Variants in CHD9 observed in about 807,000 individuals in gnomAD.
The protein encoded by CHD9 is chromodomain helicase DNA binding protein 9.
CHD9 carries 77 observed loss-of-function variants against 316.1 expected under a neutral mutation model. The ratio of observed to expected loss-of-function variants is 0.24; its 90% CI spans 0.20 to 0.29. The LOEUF (loss-of-function observed/expected upper bound fraction) is 0.29. Among genes scored for constraint, CHD9 ranks in the 10% least tolerant of loss-of-function variants. CHD9 has a pLI of 1.00. For missense variants in CHD9, 2,763 were observed against 3,438.1 expected, an observed-to-expected ratio of 0.80 and a Z score of 4.91; for synonymous variants, 1,129 against 1,158.3, an observed-to-expected ratio of 0.97 and a Z score of 0.51.
At chr16:53,284,379 T>C (rs1315703558) in intron 24 of CHD9, among the ~76,000 whole-genome samples, 2 of 151,632 alleles carry the variant, frequency 1.3e-5, no homozygotes, top group South Asian at 4.2e-4. Flanking sequence ...TACATATTTG[T>C]GTATGTATAT....
At chr16:53,270,094 T>C (rs1161921722) in intron 22 of CHD9, among the ~76,000 whole-genome samples, 1 of 151,372 alleles carries the variant, frequency 6.6e-6, no homozygotes. Flanking sequence ...AGCCTCAAAC[T>C]CCTGGGCTCA....
Position 53,238,583 on chromosome 16 carries a change from A to G in CHD9, c.2874A>G (p.Ser958=), listed in dbSNP as rs372362748. The change falls in exon 12 of 39, where the codon TCA becomes TCG. Residue 958 remains serine, a synonymous_variant. Coordinates refer to ENST00000447540, the MANE Select transcript of CHD9 (RefSeq NM_001308319.2). ...AATACGAGATGTACTTCAGGGATTC[A>G]CAGGTGTGTTATTGATTATTTTGTT... ...IQQYEMYFRD[S]QGRIIRGAYR... 1,124 of 1,612,918 alleles carry G rather than the reference A, an allele frequency of 7.0e-4. 17 individuals are homozygous for G. The South Asian group carries it at 0.011, about 16-fold the overall frequency.
chr16:53,181,385 T>G (rs914640660), intron 2 of CHD9, among the ~76,000 whole-genome samples: 1 of 152,164 alleles, frequency 6.6e-6, no homozygotes, highest in East Asian at 1.9e-4. Context: ...AAACTTGTCA[T>G]GTAAAGTTTT....
intron 1 of CHD9, among the ~76,000 whole-genome samples, chr16:53,123,662 T>C (rs1217117331): frequency 6.6e-6 from 1 of 151,982 alleles, no homozygotes; most frequent in Non-Finnish European, 1.5e-5. Flanking sequence ...CCACAACGCC[T>C]GGCAAATTTT....
rs558689654 is a variant in CHD9, at chr16:53,177,721, G to A, written c.1452+20180G>A. Among the ~76,000 whole-genome samples the A allele has an allele frequency of 4.5e-4, 68 of 152,234 alleles. 1 individual carries two copies. Among genetic ancestry groups the A allele is most frequent in the African/African-American group, 1.5e-3 (61 of 41,548 alleles). ...AGTACAAATGAAAGCTCTCATTACC[G>A]TGTGCCTAAATATTTGAAAGTTCAA... On this transcript the variant is annotated intron_variant, in intron 2 of 38. Coordinates refer to ENST00000447540, the MANE Select transcript of CHD9 (RefSeq NM_001308319.2).
At chr16:53,208,441 T>C (rs2046057157) in intron 2 of CHD9, 1 of 1,217,264 alleles carries the variant, frequency 8.2e-7, no homozygotes, top group Non-Finnish European at 1.0e-6. Context: ...TGGCTGCTGC[T>C]ACGGGAGTCG....
At chr16:53,091,552 A>G (rs1016901418) in intron 1 of CHD9, among the ~76,000 whole-genome samples, 6 of 152,170 alleles carry the variant, frequency 3.9e-5, no homozygotes, top group African/African-American at 1.4e-4. Flanking sequence ...CCACCTCCCA[A>G]ATTAGACCCC....
At chr16:53,067,764 G>C (rs1431001183) in intron 1 of CHD9, among the ~76,000 whole-genome samples, 1 of 152,128 alleles carries the variant, frequency 6.6e-6, no homozygotes, top group Non-Finnish European at 1.5e-5. Flanking sequence ...CGTTTGTCAG[G>C]TTTCTCCACG....
At chr16:53,092,590 C>T (rs2036043223) in intron 1 of CHD9, among the ~76,000 whole-genome samples, 1 of 152,062 alleles carries the variant, frequency 6.6e-6, no homozygotes, top group African/African-American at 2.4e-5. Flanking sequence ...ATCTTAAGTG[C>T]CTTCTCAGCT....
At chr16:53,225,388 A>T (rs188884219) in intron 4 of CHD9, among the ~76,000 whole-genome samples, 6 of 152,324 alleles carry the variant, frequency 3.9e-5, no homozygotes, top group African/African-American at 9.6e-5. Flanking sequence ...ACCCCATGAG[A>T]TTACAAGGGA....
intron 3 of CHD9, among the ~76,000 whole-genome samples, chr16:53,212,404 CA>C (rs35876552): frequency 0.46 from 56,441 of 123,956 alleles, 10,887 homozygotes; most frequent in South Asian, 0.53. Context: ...GATTCCATCT[CA>C]AAAAAAAAAA....
At chr16:53,114,457 C>T (rs922736577) in intron 1 of CHD9, among the ~76,000 whole-genome samples, 6 of 152,232 alleles carry the variant, frequency 3.9e-5, no homozygotes, top group South Asian at 2.1e-4. Flanking sequence ...GAGGTTTTGC[C>T]GTATTGGCCA....
At chr16:53,083,465 T>C (rs569309352) in intron 1 of CHD9, among the ~76,000 whole-genome samples, 7 of 152,124 alleles carry the variant, frequency 4.6e-5, no homozygotes, top group Non-Finnish European at 1.0e-4. Flanking sequence ...TTGCTTAAGG[T>C]TTTTTCCCCT....
intron 1 of CHD9, chr16:53,130,787 G>C (rs934538091): frequency 2.0e-5 from 3 of 151,906 alleles, no homozygotes; most frequent in Non-Finnish European, 2.9e-5. Flanking sequence ...CTCCCTCTTA[G>C]GCAGCCCGAC....
At chr16:53,204,787 A>C (rs981620675) in intron 2 of CHD9, among the ~76,000 whole-genome samples, 1 of 151,996 alleles carries the variant, frequency 6.6e-6, no homozygotes, top group East Asian at 1.9e-4. Context: ...TTTTTAATGA[A>C]TATTTGGATA....
intron 1 of CHD9, among the ~76,000 whole-genome samples, chr16:53,089,670 G>A (rs2035769471): frequency 6.6e-6 from 1 of 152,212 alleles, no homozygotes; most frequent in South Asian, 2.1e-4. Context: ...ACTGGGACTG[G>A]AAACTAGGAC....
chr16:53,101,974 TA>T (rs1191552421), intron 1 of CHD9, among the ~76,000 whole-genome samples: 1 of 152,098 alleles, frequency 6.6e-6, no homozygotes, highest in Non-Finnish European at 1.5e-5. Flanking sequence ...GAATGGGTCG[TA>T]GGAAAAAAGT....
At chr16:53,239,287 A>T (rs1037850916) in intron 12 of CHD9, among the ~76,000 whole-genome samples, 4 of 152,148 alleles carry the variant, frequency 2.6e-5, no homozygotes, top group Non-Finnish European at 5.9e-5. Context: ...GCAGAAAGTT[A>T]AGACTAGAAA....
intron 1 of CHD9, among the ~76,000 whole-genome samples, chr16:53,122,609 A>G (rs1297147817): frequency 2.0e-5 from 3 of 150,362 alleles, no homozygotes; most frequent in Admixed American, 6.7e-5. Context: ...CAGTGGCACA[A>G]TCTTGTCTCA....
Sources: allele counts gnomAD v4.1 joint callset (sites outside exome capture counted in the v4.1 genomes callset), GRCh38; gene constraint gnomAD v4.1.1; transcripts MANE v1.5; gene names NCBI Gene and HGNC (gene_info 2026-07-23, HGNC 2026-07-21).